Variants in CSMD1 observed in about 807,000 individuals in gnomAD.
The protein encoded by CSMD1 is CUB and Sushi multiple domains 1.
Under a neutral mutation model 417.5 loss-of-function variants are expected in CSMD1, and 213 were observed. The ratio of observed to expected loss-of-function variants is 0.51; its 90% confidence interval spans 0.46 to 0.57. CSMD1 has a LOEUF of 0.57. CSMD1 is among the 20% of genes least tolerant of loss of function. CSMD1 has a pLI of 0.00. For missense variants in CSMD1, 6,923 were observed against 4,529.7 expected, an observed-to-expected ratio of 1.53 and a Z score of -15.17; for synonymous variants, 2,862 against 1,736.8, an observed-to-expected ratio of 1.65 and a Z score of -16.11.
intron 12 of CSMD1, among the ~76,000 whole-genome samples, chr8:3,425,385 C>G (rs1813771142): frequency 6.6e-6 from 1 of 151,638 alleles, no homozygotes; most frequent in Non-Finnish European, 1.5e-5. Context: ...GTCAAGAGAT[C>G]CAGACCATCG....
intron 6 of CSMD1, among the ~76,000 whole-genome samples, chr8:3,748,206 G>A (rs570180751): frequency 6.6e-6 from 1 of 152,190 alleles, no homozygotes; most frequent in Non-Finnish European, 1.5e-5. Flanking sequence ...TTTAGGAAAA[G>A]TGGTTACGTG....
intron 17 of CSMD1, among the ~76,000 whole-genome samples, chr8:3,393,445 G>A (rs1811468350): frequency 6.6e-6 from 1 of 152,122 alleles, no homozygotes; most frequent in African/African-American, 2.4e-5. Context: ...CTTGGTGACA[G>A]TTTTCTTCTT....
intron 3 of CSMD1, among the ~76,000 whole-genome samples, chr8:4,359,581 A>G (rs959292349): frequency 6.6e-6 from 1 of 152,198 alleles, no homozygotes; most frequent in African/African-American, 2.4e-5. Flanking sequence ...TGGAGATTAC[A>G]TGGTGTTCTA....
chr8:4,272,150 A>G (rs1451258439), intron 3 of CSMD1, among the ~76,000 whole-genome samples: 1 of 152,172 alleles, frequency 6.6e-6, no homozygotes, highest in Admixed American at 6.5e-5. Flanking sequence ...GTCTTACTAG[A>G]TTAATCTCAG....
intron 3 of CSMD1, among the ~76,000 whole-genome samples, chr8:4,049,132 T>G (rs1798293843): frequency 6.6e-6 from 1 of 152,172 alleles, no homozygotes; most frequent in South Asian, 2.1e-4. Flanking sequence ...TTTACAGCTA[T>G]TCTTTCTTAT....
chr8:4,560,145 T>C (rs1189134454), intron 2 of CSMD1, among the ~76,000 whole-genome samples: 6 of 152,186 alleles, frequency 3.9e-5, no homozygotes, highest in Non-Finnish European at 8.8e-5. Context: ...AAGCAGCATA[T>C]GCTGAGAAAA....
At chr8:3,431,695 C>T (rs1278944836) in intron 12 of CSMD1, among the ~76,000 whole-genome samples, 1 of 152,158 alleles carries the variant, frequency 6.6e-6, no homozygotes, top group African/African-American at 2.4e-5. Context: ...CATAGTCTTG[C>T]TAAAATTAAG....
chr8:3,908,842 T>A (rs573027108), intron 5 of CSMD1, among the ~76,000 whole-genome samples: 12 of 152,332 alleles, frequency 7.9e-5, no homozygotes, highest in African/African-American at 2.9e-4. Context: ...CAACGACATT[T>A]TGACTTCTCA....
At chr8:4,745,634 T>TAG (rs1450891836) in intron 1 of CSMD1, among the ~76,000 whole-genome samples, 1 of 151,650 alleles carries the variant, frequency 6.6e-6, no homozygotes, top group African/African-American at 2.4e-5. Context: ...AGAGAGAGAG[T>TAG]AGAGAGAAGT....
intron 16 of CSMD1, among the ~76,000 whole-genome samples, chr8:3,397,619 A>G (rs558824551): frequency 6.6e-6 from 1 of 152,296 alleles, no homozygotes; most frequent in East Asian, 1.9e-4. Flanking sequence ...TTTTTCTTAA[A>G]ACTGATTTCT....
intron 23 of CSMD1, among the ~76,000 whole-genome samples, chr8:3,337,713 G>C (rs1044129166): frequency 2.0e-5 from 3 of 152,210 alleles, no homozygotes; most frequent in African/African-American, 7.2e-5. Flanking sequence ...CTCCCTAGGA[G>C]TTTGGGCACT....
intron 2 of CSMD1, among the ~76,000 whole-genome samples, chr8:4,622,150 C>T (rs558990385): frequency 2.7e-4 from 39 of 144,670 alleles, no homozygotes; most frequent in Admixed American, 6.3e-4. Context: ...GAAGATTAAA[C>T]GCAAAGAGGG....
intron 25 of CSMD1, among the ~76,000 whole-genome samples, chr8:3,289,443 C>G (rs1034057538): frequency 1.4e-5 from 2 of 147,472 alleles, no homozygotes; most frequent in East Asian, 2.0e-4. Context: ...GTCCCACCAA[C>G]AGTGTAAAAG....
At chr8:3,523,539 A>G (rs1797602644) in intron 10 of CSMD1, among the ~76,000 whole-genome samples, 1 of 152,180 alleles carries the variant, frequency 6.6e-6, no homozygotes, top group East Asian at 1.9e-4. Context: ...ACACACACGC[A>G]CACCCAGACA....
chr8:4,393,569 A>T (rs1156253383), intron 3 of CSMD1, among the ~76,000 whole-genome samples: 2 of 152,170 alleles, frequency 1.3e-5, no homozygotes, highest in Non-Finnish European at 2.9e-5. Context: ...AGCAAGAGAA[A>T]GGCCTTCTGA....
At chr8:4,160,508 C>G (rs1310896242) in intron 3 of CSMD1, among the ~76,000 whole-genome samples, 1 of 152,068 alleles carries the variant, frequency 6.6e-6, no homozygotes, top group African/African-American at 2.4e-5. Flanking sequence ...GAAAGTCAGA[C>G]AATCATTATG....
At chr8:3,271,924 C>T (rs1191382814) in intron 26 of CSMD1, among the ~76,000 whole-genome samples, 1 of 152,106 alleles carries the variant, frequency 6.6e-6, no homozygotes, top group East Asian at 1.9e-4. Context: ...TGCAGAAGCT[C>T]TTCAGTTTAA....
At chr8:2,969,386 A>G (rs1804240268) in intron 57 of CSMD1, among the ~76,000 whole-genome samples, 1 of 152,218 alleles carries the variant, frequency 6.6e-6, no homozygotes, top group Non-Finnish European at 1.5e-5. Flanking sequence ...AGATAGATCC[A>G]TTTGAAATCT....
At position 4,640,114 on chromosome 8, in the gene CSMD1, ACAGATATGAAGATTTCCT is replaced by A. The variant is rs1803103197; in HGVS notation, c.86-2574_86-2557del. 2.0e-5 allele frequency among the ~76,000 whole-genome samples: 3 copies of A among 152,364 alleles called. No homozygotes were observed. The South Asian group carries it at 6.2e-4, about 32-fold the overall frequency. ...AGACCCATCAGGTTGAATCAGATGAACAGATATGAAGATTTCCTCAAGGAATAACATTTAGGCTGCATT... is the reference window on the plus strand; with the variant it reads ...AGACCCATCAGGTTGAATCAGATGAACAAGGAATAACATTTAGGCTGCATT... On this transcript the variant is annotated intron_variant, in intron 1 of 69. Transcript: ENST00000635120.
Sources: gnomAD v4.1 joint callset for allele counts (sites outside exome capture counted in the v4.1 genomes callset) on GRCh38, gnomAD v4.1.1 for gene constraint, MANE v1.5 for transcripts, NCBI Gene and HGNC (gene_info 2026-07-23, HGNC 2026-07-21) for gene names.